PCDH15: variants seen among roughly 807,000 people sequenced by gnomAD.
The protein encoded by PCDH15 is protocadherin related 15, also known as protocadherin-15.
PCDH15 carries 129 observed loss-of-function variants against 178.5 expected under a neutral mutation model. The ratio of observed to expected loss-of-function variants is 0.72; its 90% CI spans 0.63 to 0.84. The LOEUF is 0.84. Ranked by LOEUF, PCDH15 falls within the 40% of genes least tolerant of loss-of-function variation. The pLI is 0.00. For synonymous variants in PCDH15, 800 were observed against 732.0 expected (o/e 1.09, Z -1.50); for missense variants, 2,230 against 2,099.9 (o/e 1.06, Z -1.21).
At chr10:55,621,219 A>G (rs1350319175) in intron 2 of PCDH15, among the ~76,000 whole-genome samples, 1 of 152,204 alleles carries the variant, frequency 6.6e-6, no homozygotes, top group East Asian at 1.9e-4. Context: ...TAAAAACTGG[A>G]AAATTATGGG....
intron 16 of PCDH15, among the ~76,000 whole-genome samples, chr10:54,080,513 T>C (rs1259914186): frequency 6.6e-6 from 1 of 152,148 alleles, no homozygotes; most frequent in Non-Finnish European, 1.5e-5. Flanking sequence ...GTCCAAAACA[T>C]AAATTGTTTC....
At chr10:55,428,374 C>G (rs903441738) in intron 2 of PCDH15, among the ~76,000 whole-genome samples, 1 of 151,826 alleles carries the variant, frequency 6.6e-6, no homozygotes, top group Non-Finnish European at 1.5e-5. Context: ...ACTTATTGTA[C>G]TAGATGAATT....
At chr10:54,488,260 T>C (rs1331966064) in intron 3 of PCDH15, among the ~76,000 whole-genome samples, 1 of 151,852 alleles carries the variant, frequency 6.6e-6, no homozygotes, top group African/African-American at 2.4e-5. Context: ...GGAATATAGT[T>C]TTGAACTTAT....
intron 2 of PCDH15, among the ~76,000 whole-genome samples, chr10:55,509,344 G>A (rs1247592993): frequency 6.6e-6 from 1 of 151,706 alleles, no homozygotes; most frequent in Non-Finnish European, 1.5e-5. Context: ...AACACTGGGT[G>A]TCCAAAACCA....
chr10:53,819,547 A>T (rs547215660), intron 33 of PCDH15, among the ~76,000 whole-genome samples: 10 of 152,126 alleles, frequency 6.6e-5, no homozygotes, highest in African/African-American at 2.2e-4. Flanking sequence ...AATCAATTGT[A>T]TTATTTATTT....
intron 1 of PCDH15, among the ~76,000 whole-genome samples, chr10:54,708,394 G>A (rs1236847624): frequency 1.1e-4 from 16 of 152,146 alleles, no homozygotes; most frequent in Admixed American, 1.0e-3. Flanking sequence ...TGACAAATAT[G>A]CTGAATCTTA....
intron 2 of PCDH15, among the ~76,000 whole-genome samples, chr10:55,602,257 A>C (rs1242475489): frequency 6.6e-6 from 1 of 152,234 alleles, no homozygotes; most frequent in East Asian, 1.9e-4. Context: ...AGTATCGCTG[A>C]TTGCTAGCAC....
At chr10:55,020,543 T>A (rs2131953912) in intron 2 of PCDH15, among the ~76,000 whole-genome samples, 1 of 152,286 alleles carries the variant, frequency 6.6e-6, no homozygotes, top group East Asian at 1.9e-4. Flanking sequence ...GATTTATTTG[T>A]TAATCTATTA....
intron 23 of PCDH15, among the ~76,000 whole-genome samples, chr10:53,949,281 C>T (rs1217829565): frequency 6.6e-6 from 1 of 152,198 alleles, no homozygotes; most frequent in African/African-American, 2.4e-5. Flanking sequence ...CATAAAAAGA[C>T]AGGAAAGGCT....
chr10:54,989,478 A>C (rs566493199), intron 2 of PCDH15, among the ~76,000 whole-genome samples: 87 of 152,344 alleles, frequency 5.7e-4, no homozygotes, highest in Non-Finnish European at 1.0e-3. Context: ...AGAGCTGCCC[A>C]AGTCCATGGG....
chr10:54,421,022 AT>A (rs1955207388), intron 3 of PCDH15, among the ~76,000 whole-genome samples: 1 of 152,094 alleles, frequency 6.6e-6, no homozygotes, highest in Non-Finnish European at 1.5e-5. Flanking sequence ...TTCGCTTCGC[AT>A]GTTGCATTAT....
At chr10:55,515,101 G>T (rs550868995) in intron 2 of PCDH15, among the ~76,000 whole-genome samples, 13 of 147,966 alleles carry the variant, frequency 8.8e-5, no homozygotes, top group African/African-American at 3.0e-4. Context: ...TGATTCTCCT[G>T]CCTAAGCCTC....
chr10:55,468,686 A>G (rs1330271363), intron 2 of PCDH15, among the ~76,000 whole-genome samples: 1 of 152,190 alleles, frequency 6.6e-6, no homozygotes, highest in Non-Finnish European at 1.5e-5. Flanking sequence ...TTTAGTGATA[A>G]CATAATAAAA....
chr10:54,485,492 C>G (rs1389681636), intron 3 of PCDH15, among the ~76,000 whole-genome samples: 2 of 151,906 alleles, frequency 1.3e-5, no homozygotes, highest in Non-Finnish European at 2.9e-5. Flanking sequence ...ATAATGCTTG[C>G]TACATTTCAA....
intron 8 of PCDH15, among the ~76,000 whole-genome samples, chr10:54,293,030 C>G (rs1466264319): frequency 2.6e-5 from 4 of 152,088 alleles, no homozygotes; most frequent in African/African-American, 9.7e-5. Context: ...CAAAAAAGAA[C>G]AAAGCTGGAG....
At chr10:55,237,948 G>T (rs1433032298) in intron 1 of PCDH15, among the ~76,000 whole-genome samples, 3 of 151,512 alleles carry the variant, frequency 2.0e-5, no homozygotes, top group Non-Finnish European at 4.4e-5. Context: ...CTAAAATTTA[G>T]CTTTTAGTTA....
intron 1 of PCDH15, among the ~76,000 whole-genome samples, chr10:55,254,962 T>A (rs971018788): frequency 1.4e-3 from 216 of 152,228 alleles, no homozygotes; most frequent in Admixed American, 0.012. Context: ...TCTTTTTTTT[T>A]TTATTATACT....
At chr10:54,471,233 C>T (rs1316940497) in intron 3 of PCDH15, among the ~76,000 whole-genome samples, 1 of 151,890 alleles carries the variant, frequency 6.6e-6, no homozygotes, top group Non-Finnish European at 1.5e-5. Context: ...GAACTTCATC[C>T]TCATCCTCTT....
chr10:54,016,847 T>C (rs548991222), intron 20 of PCDH15, among the ~76,000 whole-genome samples: 1 of 152,188 alleles, frequency 6.6e-6, no homozygotes, highest in Non-Finnish European at 1.5e-5. Flanking sequence ...AATTTACCTG[T>C]ATAACAAACC....
Sources: allele counts gnomAD v4.1 joint callset (sites outside exome capture counted in the v4.1 genomes callset), GRCh38; gene constraint gnomAD v4.1.1; transcripts MANE v1.5; gene names NCBI Gene and HGNC (gene_info 2026-07-23, HGNC 2026-07-21).